Variants in C19orf53 observed in about 807,000 individuals in gnomAD.
C19orf53 encodes chromosome 19 open reading frame 53.
A neutral mutation model predicts 6.5 loss-of-function variants in C19orf53; 9 were observed. The ratio of observed to expected loss-of-function variants is 1.38; its 90% CI spans 0.83 to 2.40. C19orf53 has a LOEUF of 2.40. Among genes scored for constraint, C19orf53 ranks in the 30% most tolerant of loss-of-function variants. The pLI is 0.00. For synonymous variants in C19orf53, 68 were observed against 52.5 expected (o/e 1.29, Z -1.27); for missense variants, 166 against 129.7 (o/e 1.28, Z -1.36).
rs773226847 is a variant in C19orf53 at position 13,778,195 on chromosome 19, C to T, written c.297C>T (p.Ser99=). Residue 99 remains serine (S), a synonymous_variant, in exon 3 of 3, where the codon TCC becomes TCT. Transcript: ENST00000588234. ...CCGCCACCTCCTCCAAGACACCTTC[C>T]TGAGGACGCTGGCCCCAGTGCAGGC... ...AAAATSSKTP[S] is the part of the protein sequence containing the mutation. 2 of 1,600,180 alleles carry T rather than the reference C, an allele frequency of 1.2e-6. No homozygotes were observed. Among genetic ancestry groups the T allele is most frequent in the Admixed American group, 3.4e-5 (2 of 58,576 alleles).
At position 13,778,073 on chromosome 19, in the gene C19orf53, A is replaced by C. The variant is rs141710086; in HGVS notation, c.175A>C (p.Lys59Gln). 2.6e-5 allele frequency: 42 copies of C among 1,611,688 alleles called. No individual in the cohort carries two copies. Among genetic ancestry groups the C allele is most frequent in the Admixed American group, 8.4e-5 (5 of 59,794 alleles). Reference sequence around the variant, plus strand: ...TCAGAACCTAGAAGTCGGAATCCGGAAGAAGATCGAACATGACGTGGTGAT... The same window carrying C: ...TCAGAACCTAGAAGTCGGAATCCGGCAGAAGATCGAACATGACGTGGTGAT... ...LKKNLEVGIR[K>Q]KIEHDVVMKA... Residue 59 changes from lysine (K) to glutamine (Q), a missense_variant, in exon 3 of 3, where the codon AAG becomes CAG. By Grantham distance (53) the Lys-to-Gln change is moderately conservative (BLOSUM62 1). Coordinates refer to ENST00000588234, the MANE Select transcript of C19orf53 (RefSeq NM_014047.3).
chr19:13,777,255 T>G (rs1974380713), intron 2 of C19orf53, among the ~76,000 whole-genome samples: 1 of 152,070 alleles, frequency 6.6e-6, no homozygotes, highest in Admixed American at 6.6e-5. Context: ...GGAACTTTTT[T>G]TTTTTTCTTT....
In C19orf53 at chr19:13,778,206, G is replaced by C. The variant is rs74675515; in HGVS notation, c.*8G>C. 917 of 1,594,428 alleles carry C rather than the reference G, an allele frequency of 5.8e-4. 6 individuals are homozygous for C. The African/African-American group carries it at 0.011, about 19-fold the overall frequency. ...TCCAAGACACCTTCCTGAGGACGCT[G>C]GCCCCAGTGCAGGCCAACATCCCAC... On this transcript the variant is annotated 3_prime_UTR_variant, in exon 3 of 3. Transcript: ENST00000588234.
chr19:13,777,938 G>T, intron 2 of C19orf53, 114 bp from the exon 3 acceptor site: 1 of 1,351,332 alleles, frequency 7.4e-7, no homozygotes, highest in South Asian at 1.5e-5. Flanking sequence ...GGTGCGGTTC[G>T]AGGGGATAGT....
At chr19:13,777,269 A>G (rs1599563450) in intron 2 of C19orf53, among the ~76,000 whole-genome samples, 1 of 149,988 alleles carries the variant, frequency 6.7e-6, no homozygotes, top group Non-Finnish European at 1.5e-5. Context: ...TTTCTTTGAG[A>G]CGGTCTCACG....
Position 13,774,623 on chromosome 19 carries a change from C to T in C19orf53, c.98-29C>T, listed in dbSNP as rs1559149. The T allele has an allele frequency of 1.9e-5, 30 of 1,612,962 alleles. No individual in the cohort carries two copies. The African/African-American group carries it at 3.1e-4, about 16-fold the overall frequency. Reference sequence around the variant, plus strand: ...GGGGCGAGGTGGACCCCCGGCTTCCCGGCCTCACGTGAGCACATCTTTCCC... The same window carrying T: ...GGGGCGAGGTGGACCCCCGGCTTCCTGGCCTCACGTGAGCACATCTTTCCC... On this transcript the variant is annotated intron_variant, in intron 1 of 2. Coordinates refer to ENST00000588234, the MANE Select transcript of C19orf53 (RefSeq NM_014047.3).
intron 2 of C19orf53, 94 bp downstream of exon 2, chr19:13,774,801 T>C (rs1310342087): frequency 1.4e-5 from 20 of 1,445,322 alleles, no homozygotes; most frequent in African/African-American, 3.0e-5. Context: ...AGCCCGGGGA[T>C]CAGTGAGGGG....
rs1228001281 is a variant in C19orf53, at chr19:13,774,677, G to A, written c.123G>A (p.Ala41=). The change falls in exon 2 of 3, where the codon GCG becomes GCA. Residue 41 remains alanine (A), a synonymous_variant. Transcript: ENST00000588234. ...GTCGTGTTATCGCTCCCAAGAAGGC[G>A]CGCGTCGTGCAGCAGCAAAAGCTCA... ...KGGRVIAPKK[A]RVVQQQKLKK... 1 of 1,609,218 alleles carries A rather than the reference G, an allele frequency of 6.2e-7. No individual in the cohort carries two copies. Among genetic ancestry groups the A allele is most frequent in the Admixed American group, 1.7e-5 (1 of 59,900 alleles).
chr19:13,776,945 G>GTTTTTGGTTTTTGTTTTTTGT (rs147058535), intron 2 of C19orf53, among the ~76,000 whole-genome samples: 1 of 151,614 alleles, frequency 6.6e-6, no homozygotes, highest in Non-Finnish European at 1.5e-5. Context: ...CATTGGAACT[G>GTTTTTGGTTTTTGTTTTTTGT]TTTTTGTTTT....
At position 13,774,477 on chromosome 19, in the gene C19orf53, C is replaced by G; in HGVS notation, c.-1C>G. ...CCGCCTCTTCCGCTGCGTGCCGGACCATGGCGCAGGGGCAGCGCAAGTTTC... is the reference window on the plus strand; with the variant it reads ...CCGCCTCTTCCGCTGCGTGCCGGACGATGGCGCAGGGGCAGCGCAAGTTTC... On this transcript the variant is annotated 5_prime_UTR_variant, in exon 1 of 3. Coordinates refer to ENST00000588234, the MANE Select transcript of C19orf53 (RefSeq NM_014047.3). 9 of 1,602,108 alleles carry G rather than the reference C, an allele frequency of 5.6e-6. No homozygotes were observed. The highest frequency in any genetic ancestry group is 7.7e-6 in the Non-Finnish European group (9 of 1,174,712).
At chr19:13,777,734 G>A (rs1974385281) in intron 2 of C19orf53, among the ~76,000 whole-genome samples, 1 of 152,220 alleles carries the variant, frequency 6.6e-6, no homozygotes, top group South Asian at 2.1e-4. Context: ...ACCAGAGGCT[G>A]TGGGCACGCC....
At chr19:13,777,663 C>A (rs1157185416) in intron 2 of C19orf53, among the ~76,000 whole-genome samples, 1 of 152,134 alleles carries the variant, frequency 6.6e-6, no homozygotes, top group Non-Finnish European at 1.5e-5. Context: ...AGATCCTCAG[C>A]TTGCCGTCTG....
chr19:13,776,083 G>A (rs1027409846), intron 2 of C19orf53, among the ~76,000 whole-genome samples: 3 of 149,108 alleles, frequency 2.0e-5, no homozygotes, highest in Non-Finnish European at 3.0e-5. Flanking sequence ...TCAGCCTCCC[G>A]AGTAACTGGG....
intron 2 of C19orf53, chr19:13,775,379 A>AGAC (rs1974358893): frequency 6.4e-6 from 1 of 155,694 alleles, no homozygotes; most frequent in Non-Finnish European, 1.4e-5. Flanking sequence ...TCCTGGACTT[A>AGAC]GGCAATCTTT....
Position 13,778,279 on chromosome 19 carries a change from G to A in C19orf53, c.*81G>A. ...TGCAAGTCATCCCACAGGCTGCACTGTCAGGAAGAGGACCCTGTCCCCCAG... is the reference window on the plus strand; with the variant it reads ...TGCAAGTCATCCCACAGGCTGCACTATCAGGAAGAGGACCCTGTCCCCCAG... On this transcript the variant is annotated 3_prime_UTR_variant, in exon 3 of 3. Transcript: ENST00000588234. 7 of 1,441,662 alleles carry A rather than the reference G, an allele frequency of 4.9e-6. No homozygotes were observed. The highest frequency in any genetic ancestry group is 5.5e-6 in the Non-Finnish European group (6 of 1,088,838). The allele number at this position is 1,441,662 out of a possible 1,614,324, so 89.3% of individuals were successfully genotyped here. A position where few individuals can be genotyped will look rare whatever the true frequency, so the allele number is the denominator to read the frequency against.
intron 2 of C19orf53, among the ~76,000 whole-genome samples, chr19:13,777,142 G>T (rs1974379530): frequency 6.6e-6 from 1 of 152,022 alleles, no homozygotes; most frequent in Admixed American, 6.6e-5. Context: ...AGTAGAGATT[G>T]GGTTTCACCA....
rs754941276 is a variant in C19orf53 at position 13,774,653 on chromosome 19, T to A, written c.99T>A (p.Gly33=). 6.2e-7 allele frequency: 1 copy of A among 1,610,200 alleles called. No individual in the cohort carries two copies. Among genetic ancestry groups the A allele is most frequent in the Non-Finnish European group, 8.5e-7 (1 of 1,176,732 alleles). The change falls in exon 2 of 3, where the codon GGT becomes GGA. Residue 33 remains glycine, a splice_region_variant and synonymous_variant. Transcript: ENST00000588234. Reference sequence around the variant, plus strand: ...TCACGTGAGCACATCTTTCCCCAGGTCGTGTTATCGCTCCCAAGAAGGCGC... The same window carrying A: ...TCACGTGAGCACATCTTTCCCCAGGACGTGTTATCGCTCCCAAGAAGGCGC... The part of the protein sequence containing the change: ...SEKNRGPRKG[G]RVIAPKKARV...
Position 13,774,549 on chromosome 19 carries a change from A to G in C19orf53, c.72A>G (p.Glu24=), listed in dbSNP as rs769652687. The G allele has an allele frequency of 1.9e-6, 3 of 1,614,024 alleles. No individual in the cohort carries two copies. Among genetic ancestry groups the G allele is most frequent in the South Asian group, 2.2e-5 (2 of 91,088 alleles). The change falls in exon 1 of 3, where the codon GAA becomes GAG. Residue 24 remains glutamate, a synonymous_variant. Transcript: ENST00000588234. ...GTAAGACGGCAGCGGCAGCCTCTGA[A>G]AAGAATCGGGGCCCAAGAAAAGGCG... The part of the protein sequence containing the change: ...AKSKTAAAAS[E]KNRGPRKGGR...
intron 2 of C19orf53, 119 bp downstream of exon 2, chr19:13,774,826 G>C: frequency 1.5e-6 from 2 of 1,347,960 alleles, no homozygotes; most frequent in South Asian, 2.7e-5. Flanking sequence ...GGTGGATCCT[G>C]GGGACGAGCT....
Sources: gnomAD v4.1 joint callset for allele counts (sites outside exome capture counted in the v4.1 genomes callset) on GRCh38, gnomAD v4.1.1 for gene constraint, MANE v1.5 for transcripts, NCBI Gene and HGNC (gene_info 2026-07-23, HGNC 2026-07-21) for gene names.